Variants in GXYLT2 observed in about 807,000 individuals in gnomAD.
GXYLT2 encodes glucoside xylosyltransferase 2.
In GXYLT2, 53 loss-of-function variants were observed where a neutral mutation model predicts 45.8. That is an observed-to-expected ratio of 1.16 (90% CI 0.93 to 1.46). GXYLT2 has a LOEUF of 1.46. GXYLT2 is among the 40% of genes most tolerant of loss of function. The pLI, the probability that GXYLT2 is intolerant of heterozygous loss-of-function variation, is 0.00. For missense variants in GXYLT2, 551 were observed against 544.4 expected, an observed-to-expected ratio of 1.01 and a Z score of -0.12; for synonymous variants, 219 against 214.2, an observed-to-expected ratio of 1.02 and a Z score of -0.19.
intron 3 of GXYLT2, among the ~76,000 whole-genome samples, chr3:72,937,118 A>T (rs1432666671): frequency 6.6e-6 from 1 of 152,192 alleles, no homozygotes; most frequent in African/African-American, 2.4e-5. Context: ...GTTTTGGTTA[A>T]CTATTTGACT....
chr3:72,892,006 C>T (rs1294904424), intron 1 of GXYLT2, among the ~76,000 whole-genome samples: 1 of 152,102 alleles, frequency 6.6e-6, no homozygotes, highest in Admixed American at 6.5e-5. Context: ...CCTCCTTGAG[C>T]CTACATACAG....
rs549311677 is a variant in GXYLT2, at chr3:72,907,389, C to G, written c.276-978C>G. Among the ~76,000 whole-genome samples, 11 of 152,232 alleles carry G rather than the reference C, an allele frequency of 7.2e-5. No individual in the cohort carries two copies. The South Asian group carries it at 1.9e-3, about 26-fold the overall frequency. On this transcript the variant is annotated intron_variant, in intron 1 of 6. Coordinates refer to ENST00000389617, the MANE Select transcript of GXYLT2 (RefSeq NM_001080393.2). ...AATGGAGCAGCAAGCTGATTGAACT[C>G]GAAGTTTTTGGAAGGAAGGTAGCAT...
At chr3:72,959,865 C>A (rs1559750264) in intron 5 of GXYLT2, among the ~76,000 whole-genome samples, 1 of 152,110 alleles carries the variant, frequency 6.6e-6, no homozygotes, top group Non-Finnish European at 1.5e-5. Context: ...GAACTCCTGA[C>A]CTCAGGTGAT....
intron 1 of GXYLT2, among the ~76,000 whole-genome samples, chr3:72,907,508 A>C (rs908600884): frequency 6.6e-6 from 1 of 151,888 alleles, no homozygotes. Flanking sequence ...ACTTCTTCCA[A>C]CTTGACTGCA....
chr3:72,908,654 A>G (rs1709555586), intron 2 of GXYLT2, 95 bp downstream of exon 2: 4 of 1,051,684 alleles, frequency 3.8e-6, no homozygotes, highest in African/African-American at 1.6e-5. Flanking sequence ...ATTTTGCTGC[A>G]TGTTCAATTG....
At chr3:72,964,996 A>C (rs1710837785) in intron 5 of GXYLT2, among the ~76,000 whole-genome samples, 1 of 152,222 alleles carries the variant, frequency 6.6e-6, no homozygotes, top group South Asian at 2.1e-4. Flanking sequence ...CTCTGCATTA[A>C]ATTGCAGAAA....
At chr3:72,914,618 A>G (rs7616069) in intron 2 of GXYLT2, among the ~76,000 whole-genome samples, 43,569 of 152,018 alleles carry the variant, frequency 0.29, 11,256 homozygotes, top group African/African-American at 0.7. Context: ...AGGGGGTGGC[A>G]AGAAGAGAGC....
At chr3:72,942,459 C>T (rs1438349364) in intron 3 of GXYLT2, among the ~76,000 whole-genome samples, 2 of 151,948 alleles carry the variant, frequency 1.3e-5, no homozygotes, top group Non-Finnish European at 2.9e-5. Flanking sequence ...GAAAGTTTAA[C>T]CAGAAACATG....
intron 3 of GXYLT2, among the ~76,000 whole-genome samples, chr3:72,923,505 T>A (rs1034319878): frequency 7.2e-5 from 11 of 152,162 alleles, no homozygotes; most frequent in African/African-American, 2.4e-4. Flanking sequence ...AGAATAATAT[T>A]GCACAGGGAT....
At chr3:72,929,095 G>A in intron 3 of GXYLT2, 1 of 1,591,556 alleles carries the variant, frequency 6.3e-7, no homozygotes, top group Non-Finnish European at 8.5e-7. Flanking sequence ...AGGACTCAGA[G>A]GCCGTCATCA....
intron 1 of GXYLT2, among the ~76,000 whole-genome samples, chr3:72,897,390 A>C (rs548925043): frequency 1.3e-5 from 2 of 152,040 alleles, no homozygotes; most frequent in Non-Finnish European, 2.9e-5. Context: ...TGGGTGTGCA[A>C]CCTCCTCTTC....
intron 3 of GXYLT2, among the ~76,000 whole-genome samples, chr3:72,947,776 T>G (rs1183237236): frequency 6.6e-6 from 1 of 152,006 alleles, no homozygotes; most frequent in African/African-American, 2.4e-5. Flanking sequence ...ACTTCCAGCC[T>G]GGGCAACAGG....
intron 6 of GXYLT2, among the ~76,000 whole-genome samples, chr3:72,970,336 G>GC (rs1341348429): frequency 6.0e-5 from 9 of 151,230 alleles, no homozygotes; most frequent in Admixed American, 5.3e-4. Context: ...GAGTGACAGA[G>GC]CGACACTCCA....
At chr3:72,964,649 A>G (rs544184339) in intron 5 of GXYLT2, among the ~76,000 whole-genome samples, 26 of 152,318 alleles carry the variant, frequency 1.7e-4, no homozygotes, top group Admixed American at 4.6e-4. Flanking sequence ...GTAAGCCCTA[A>G]ACTACTTGGA....
chr3:72,911,754 CAT>C (rs978703630), intron 2 of GXYLT2, among the ~76,000 whole-genome samples: 3 of 151,984 alleles, frequency 2.0e-5, no homozygotes, highest in Non-Finnish European at 2.9e-5. Context: ...TAAAATCATA[CAT>C]GTTTGTGGTT....
At chr3:72,918,882 G>T (rs1230030983) in intron 2 of GXYLT2, among the ~76,000 whole-genome samples, 1 of 152,052 alleles carries the variant, frequency 6.6e-6, no homozygotes, top group African/African-American at 2.4e-5. Context: ...ATGAAAAGAT[G>T]TTCAGTGTCA....
intron 3 of GXYLT2, among the ~76,000 whole-genome samples, chr3:72,933,370 G>A (rs1710080930): frequency 6.6e-6 from 1 of 152,178 alleles, no homozygotes; most frequent in Non-Finnish European, 1.5e-5. Context: ...AATAGTTGCA[G>A]TAGTTGCTAG....
chr3:72,891,151 C>T (rs976325420), intron 1 of GXYLT2, among the ~76,000 whole-genome samples: 26 of 152,062 alleles, frequency 1.7e-4, no homozygotes, highest in African/African-American at 5.8e-4. Context: ...TTTCAGAAAA[C>T]GAGTGCTTTA....
chr3:72,906,006 T>G (rs895602155), intron 1 of GXYLT2, among the ~76,000 whole-genome samples: 6 of 152,242 alleles, frequency 3.9e-5, no homozygotes, highest in African/African-American at 1.4e-4. Flanking sequence ...ATTGCCTTTA[T>G]GGTGTTAGTC....
Sources: gnomAD v4.1 joint callset for allele counts (sites outside exome capture counted in the v4.1 genomes callset) on GRCh38, gnomAD v4.1.1 for gene constraint, MANE v1.5 for transcripts, NCBI Gene and HGNC (gene_info 2026-07-23, HGNC 2026-07-21) for gene names.